Variants in C1orf159 observed in about 807,000 individuals in gnomAD.
C1orf159 encodes the protein uncharacterized protein C1orf159.
C1orf159 carries 19 observed loss-of-function variants against 25.6 expected under a neutral mutation model. The ratio of observed to expected loss-of-function variants is 0.74; its 90% CI spans 0.52 to 1.09. The LOEUF is 1.09. Among genes scored for constraint, C1orf159 ranks in the 50% least tolerant of loss-of-function variants. The probability of loss-of-function intolerance (pLI) is 0.00; values close to 1 mark genes in which losing one functional copy is unlikely to be tolerated. For missense variants in C1orf159, 274 were observed against 290.6 expected (o/e 0.94, Z 0.42); for synonymous variants, 139 against 124.7 (o/e 1.12, Z -0.77).
At chr1:1,100,503 CCACT>C (rs1355277187) in intron 1 of C1orf159, among the ~76,000 whole-genome samples, 2 of 152,142 alleles carry the variant, frequency 1.3e-5, no homozygotes, top group Non-Finnish European at 2.9e-5. Context: ...CACATCACCA[CCACT>C]CAAAGTCCAT....
At chr1:1,099,499 C>T (rs1646064181) in intron 1 of C1orf159, among the ~76,000 whole-genome samples, 3 of 135,684 alleles carry the variant, frequency 2.2e-5, no homozygotes, top group South Asian at 2.3e-4. Flanking sequence ...AAATCTCCGA[C>T]TATGATTGTG....
At chr1:1,103,281 G>A (rs1187983739) in intron 1 of C1orf159, among the ~76,000 whole-genome samples, 1 of 152,190 alleles carries the variant, frequency 6.6e-6, no homozygotes, top group African/African-American at 2.4e-5. Flanking sequence ...CTGCTCCAAA[G>A]TGCTTTTTTG....
intron 9 of C1orf159, chr1:1,083,819 G>T: frequency 8.6e-7 from 1 of 1,168,404 alleles, no homozygotes; most frequent in South Asian, 1.5e-5. Context: ...GGGGGACGGA[G>T]GCCGGGTGAG....
chr1:1,108,833 A>G lies in C1orf159; in HGVS notation c.-136+7227T>C, dbSNP rs1164981616. On this transcript the variant is annotated intron_variant, in intron 1 of 9. Transcript: ENST00000421241. ...TGTCTGCAGCAGCATTGTTCACCAC[A>G]GCCACCATGTCTCGGCACCATCCAC... 1.7e-5 allele frequency among the ~76,000 whole-genome samples: 2 copies of G among 114,954 alleles called. 1 individual carries two copies. The highest frequency in any genetic ancestry group is 8.9e-5 in the African/African-American group (2 of 22,426). 75.4% of individuals were successfully genotyped at this position (114,954 alleles called of 152,430 possible). A position where few individuals can be genotyped will look rare whatever the true frequency, so the allele number is the denominator to read the frequency against.
At chr1:1,091,960 C>T (rs1195173897) in intron 2 of C1orf159, 31 bp downstream of exon 2, 13 of 455,204 alleles carry the variant, frequency 2.9e-5, no homozygotes, top group Admixed American at 1.2e-4. Context: ...TTTGGAGGCA[C>T]GGGTGGGGCG....
rs1645849815 is a variant in C1orf159 at position 1,087,458 on chromosome 1, C to G, written c.244+44G>C. The G allele has an allele frequency of 1.3e-6, 2 of 1,501,800 alleles. No homozygotes were observed. Among genetic ancestry groups the G allele is most frequent in the South Asian group, 1.2e-5 (1 of 82,452 alleles). The allele number at this position is 1,501,800 out of a possible 1,614,324, so 93.0% of individuals were successfully genotyped here. A position where few individuals can be genotyped will look rare whatever the true frequency, so the allele number is the denominator to read the frequency against. ...GCAACTCCCACAGTGTCTCCCACAG[C>G]TGGAGCTGTGAGAAGGGAGCCGGGG... On this transcript the variant is annotated intron_variant, in intron 5 of 9. Transcript: ENST00000421241. The surrounding 1 kb of genome is among the most constrained non-coding windows in gnomAD (Gnocchi z 8.3).
At chr1:1,099,739 T>C (rs1044303080) in intron 1 of C1orf159, among the ~76,000 whole-genome samples, 26 of 113,428 alleles carry the variant, frequency 2.3e-4, no homozygotes, top group South Asian at 5.5e-4. Flanking sequence ...CGACTATGAT[T>C]GTGGATTGTC....
At chr1:1,088,590 G>A (rs192539781) in intron 4 of C1orf159, among the ~76,000 whole-genome samples, 9 of 151,314 alleles carry the variant, frequency 5.9e-5, no homozygotes, top group Non-Finnish European at 8.8e-5. Flanking sequence ...CCTCATTTCC[G>A]CCCACCGGCC....
At chr1:1,090,149 A>C (rs1421158842) in intron 4 of C1orf159, among the ~76,000 whole-genome samples, 1 of 152,096 alleles carries the variant, frequency 6.6e-6, no homozygotes, top group Non-Finnish European at 1.5e-5. Context: ...CAGTCTTCTC[A>C]TGAGGCTGCC....
rs747421436 is a variant in C1orf159, at chr1:1,091,534, G to A, written c.10C>T (p.Arg4Trp). ...AGGCCAGCCAGGAGGGCGAGGTGCC[G>A]CAGCGCCATGCCAGGAGCAGATGCG... MAL[R>W]HLALLAGLLV... The change falls in exon 3 of 10, where the codon CGG becomes TGG. Residue 4 changes from arginine to tryptophan, a missense_variant. Transcript: ENST00000421241. The A allele has an allele frequency of 1.1e-4, 168 of 1,549,584 alleles. No homozygotes were observed. Among genetic ancestry groups the A allele is most frequent in the South Asian group, 2.9e-4 (24 of 83,996 alleles).
intron 3 of C1orf159, 165 bp downstream of exon 3, chr1:1,091,307 G>A (rs191235034): frequency 1.3e-4 from 99 of 760,922 alleles, no homozygotes; most frequent in East Asian, 1.3e-3. Context: ...TCCCCTCTGC[G>A]AGGCACAGGC....
At chr1:1,091,396 C>T (rs1390596984) in intron 3 of C1orf159, 76 bp downstream of exon 3, 3 of 1,342,816 alleles carry the variant, frequency 2.2e-6, no homozygotes, top group African/African-American at 1.4e-5. Context: ...AGGGTTAGAC[C>T]CTCTAGGGGA....
rs1194068983 is a variant in C1orf159, at chr1:1,082,915, T to TC, written c.574dup (p.Glu192GlyfsTer86). On this transcript the variant is annotated frameshift_variant, in exon 10 of 10. Transcript: ENST00000421241. LOFTEE classifies it high-confidence loss of function. ...AGGTCAGACATTGCTGATACGGGCC[T>TC]CCCCCGGGAAGGCAGCGGGATCCGT... The TC allele has an allele frequency of 4.4e-6, 7 of 1,598,144 alleles. No individual in the cohort carries two copies. The highest frequency in any genetic ancestry group is 6.0e-6 in the Non-Finnish European group (7 of 1,173,204).
At position 1,083,488 on chromosome 1, in the gene C1orf159, G is replaced by A. The variant is rs148742119; in HGVS notation, c.503-501C>T. The A allele has an allele frequency of 2.2e-3, 489 of 218,592 alleles. 3 individuals are homozygous for A. The highest frequency in any genetic ancestry group is 0.01 in the African/African-American group (441 of 42,910). The allele number at this position is 218,592 out of a possible 1,614,324, so 13.5% of individuals were successfully genotyped here. A position where few individuals can be genotyped will look rare whatever the true frequency, so the allele number is the denominator to read the frequency against. On this transcript the variant is annotated intron_variant, in intron 9 of 9. Coordinates refer to ENST00000421241, the MANE Select transcript of C1orf159 (RefSeq NM_017891.5). ...AAGACGCAGAGGTGGGGGAGACGCC[G>A]TGGGACCAGGGGACAGAGACGGGCA...
At chr1:1,098,619 C>T (rs4970353) in intron 1 of C1orf159, among the ~76,000 whole-genome samples, 77,803 of 151,962 alleles carry the variant, frequency 0.51, 20,977 homozygotes, top group East Asian at 0.78. Flanking sequence ...ATTGGCGTAA[C>T]TTTTTCTTTT....
intron 1 of C1orf159, among the ~76,000 whole-genome samples, chr1:1,099,516 C>G (rs1646064818): frequency 7.0e-6 from 1 of 141,988 alleles, no homozygotes; most frequent in Non-Finnish European, 1.5e-5. Flanking sequence ...TGTGTATTGT[C>G]TATTGATGTT....
intron 1 of C1orf159, chr1:1,106,810 G>A (rs1646177719): frequency 6.5e-6 from 1 of 152,858 alleles, no homozygotes. Context: ...GCGGGAACCG[G>A]GGCTGCATGC....
rs900149778 is a variant in C1orf159, at chr1:1,087,854, A to T, written c.149-257T>A. On this transcript the variant is annotated intron_variant, in intron 4 of 9. Coordinates refer to ENST00000421241, the MANE Select transcript of C1orf159 (RefSeq NM_017891.5). This position sits in a 1 kb window ranked among gnomAD's most constrained non-coding sequence, Gnocchi z 8.3. ...CCAAGTACTCCACGCTGCACTCTCCACGCCGAGCACCCCGGCCCCGAGTAC... is the reference window on the plus strand; with the variant it reads ...CCAAGTACTCCACGCTGCACTCTCCTCGCCGAGCACCCCGGCCCCGAGTAC... Among the ~76,000 whole-genome samples the T allele has an allele frequency of 5.3e-5, 8 of 150,168 alleles. No homozygotes were observed. The highest frequency in any genetic ancestry group is 5.9e-5 in the Non-Finnish European group (4 of 67,498).
intron 3 of C1orf159, chr1:1,090,864 G>T: frequency 6.5e-7 from 1 of 1,545,950 alleles, no homozygotes; most frequent in Non-Finnish European, 8.7e-7. Flanking sequence ...TGCGCTGGGT[G>T]CTGGCACTTA....
Sources: allele counts gnomAD v4.1 joint callset (sites outside exome capture counted in the v4.1 genomes callset), GRCh38; gene constraint gnomAD v4.1.1; non-coding constraint Gnocchi (gnomAD v3.1); transcripts MANE v1.5; gene names NCBI Gene and HGNC (gene_info 2026-07-23, HGNC 2026-07-21).